MAPKAP1: variants seen among roughly 807,000 people sequenced by gnomAD.
MAPKAP1 encodes MAPK associated protein 1, also known as target of rapamycin complex 2 subunit MAPKAP1.
Under a neutral mutation model 65.7 loss-of-function variants are expected in MAPKAP1, and 20 were observed. The observed-to-expected ratio is 0.30, with a 90% CI of 0.21 to 0.44. MAPKAP1 has a LOEUF of 0.44. Among genes scored for constraint, MAPKAP1 ranks in the 20% least tolerant of loss-of-function variants. The probability of loss-of-function intolerance (pLI) is 1.00; values close to 1 mark genes in which losing one functional copy is unlikely to be tolerated. For missense variants in MAPKAP1, 423 were observed against 648.0 expected (o/e 0.65, Z 3.77); for synonymous variants, 222 against 244.3 (o/e 0.91, Z 0.85).
At chr9:125,559,478 T>C in intron 6 of MAPKAP1, 155 bp downstream of exon 6, 1 of 637,188 alleles carries the variant, frequency 1.6e-6, no homozygotes, top group Non-Finnish European at 2.7e-6. Flanking sequence ...ACAATGCGAA[T>C]GTCGTCCTCA....
Position 125,657,342 on chromosome 9 carries a change from C to CAT in MAPKAP1, c.498+307_498+308dup, listed in dbSNP as rs200344781. 3.1e-3 allele frequency among the ~76,000 whole-genome samples: 476 copies of CAT among 151,776 alleles called. 10 individuals carry two copies. The highest frequency in any genetic ancestry group is 7.4e-4 in the Non-Finnish European group (50 of 67,948). ...ATGTATATACATATATATACACACACATATATATATGTGTGTTGGGGAGGA... is the reference window on the plus strand; with the variant it reads ...ATGTATATACATATATATACACACACATATATATATATGTGTGTTGGGGAGGA... On this transcript the variant is annotated intron_variant, in intron 4 of 11. Coordinates refer to ENST00000265960, the MANE Select transcript of MAPKAP1 (RefSeq NM_001006617.3).
At chr9:125,468,492 C>T (rs1853770887) in intron 9 of MAPKAP1, among the ~76,000 whole-genome samples, 1 of 152,186 alleles carries the variant, frequency 6.6e-6, no homozygotes, top group Non-Finnish European at 1.5e-5. Flanking sequence ...TTGATTGGTG[C>T]TCTGAGTTGT....
In MAPKAP1 at chr9:125,554,794, CAAAAAAAAA is replaced by C. The variant is rs56911891; in HGVS notation, c.848+4830_848+4838del. ...CTAGGCCACACAGCAAGACACTTATCAAAAAAAAAAAAAAAAAAAAAAAGCATTTTCTAG... is the reference window on the plus strand; with the variant it reads ...CTAGGCCACACAGCAAGACACTTATCAAAAAAAAAAAAAAGCATTTTCTAG... On this transcript the variant is annotated intron_variant, in intron 6 of 11. Transcript: ENST00000265960. Among the ~76,000 whole-genome samples the C allele has an allele frequency of 9.1e-5, 6 of 65,630 alleles. No homozygotes were observed. The East Asian group carries it at 1.7e-3, about 18-fold the overall frequency. 43.1% of individuals were successfully genotyped at this position (65,630 alleles called of 152,430 possible).
chr9:125,468,159 T>A (rs759900979), intron 9 of MAPKAP1, 50 bp from the exon 10 acceptor site: 5 of 1,583,798 alleles, frequency 3.2e-6, no homozygotes, highest in Non-Finnish European at 3.4e-6. Flanking sequence ...GTAGAAGGTG[T>A]AAGTGATTTC....
At chr9:125,556,512 T>G (rs1173704661) in intron 6 of MAPKAP1, among the ~76,000 whole-genome samples, 1 of 152,228 alleles carries the variant, frequency 6.6e-6, no homozygotes, top group Non-Finnish European at 1.5e-5. Flanking sequence ...AAAACTGGGC[T>G]ATTTTGGGAT....
intron 4 of MAPKAP1, among the ~76,000 whole-genome samples, chr9:125,588,373 T>C (rs1208507144): frequency 6.6e-6 from 1 of 151,982 alleles, no homozygotes; most frequent in Non-Finnish European, 1.5e-5. Context: ...AGACAGAAAG[T>C]AGATTAGCGG....
At chr9:125,647,122 T>C (rs913418400) in intron 4 of MAPKAP1, among the ~76,000 whole-genome samples, 1 of 152,228 alleles carries the variant, frequency 6.6e-6, no homozygotes, top group Non-Finnish European at 1.5e-5. Context: ...TAAATGCACA[T>C]ATAACAAATC....
intron 4 of MAPKAP1, among the ~76,000 whole-genome samples, chr9:125,628,459 T>C (rs139122319): frequency 6.6e-6 from 1 of 152,268 alleles, no homozygotes; most frequent in East Asian, 1.9e-4. Flanking sequence ...GACAAGAAAA[T>C]GTCTCTTCAG....
intron 10 of MAPKAP1, among the ~76,000 whole-genome samples, chr9:125,458,566 A>T (rs1246041911): frequency 6.6e-6 from 1 of 151,990 alleles, no homozygotes; most frequent in Middle Eastern, 3.2e-3. Context: ...CCCAAGGCAG[A>T]AGAATCTTTC....
chr9:125,487,615 T>TAAC (rs1554809816), intron 8 of MAPKAP1, among the ~76,000 whole-genome samples: 4 of 126,832 alleles, frequency 3.2e-5, no homozygotes, highest in Non-Finnish European at 6.7e-5. Context: ...TGCCAATTAC[T>TAAC]AAAAAAAAAA....
chr9:125,687,726 A>C (rs1466771894), intron 1 of MAPKAP1, among the ~76,000 whole-genome samples: 1 of 152,174 alleles, frequency 6.6e-6, no homozygotes, highest in Non-Finnish European at 1.5e-5. Context: ...TCAAGGTTAC[A>C]GTGAGCATGA....
intron 5 of MAPKAP1, among the ~76,000 whole-genome samples, chr9:125,577,247 C>T (rs1381223168): frequency 5.3e-5 from 8 of 151,604 alleles, no homozygotes; most frequent in Non-Finnish European, 8.8e-5. Flanking sequence ...GCCTGGCAAC[C>T]GCCCCGTCTG....
intron 10 of MAPKAP1, among the ~76,000 whole-genome samples, chr9:125,455,664 ATC>A: frequency 6.6e-6 from 1 of 152,046 alleles, no homozygotes; most frequent in Admixed American, 6.5e-5. Context: ...AGTGTTCTGT[ATC>A]ATCACATCAA....
chr9:125,704,296 C>A (rs1048981180), intron 1 of MAPKAP1, among the ~76,000 whole-genome samples: 1 of 152,180 alleles, frequency 6.6e-6, no homozygotes, highest in Non-Finnish European at 1.5e-5. Context: ...TCTGTAAAAT[C>A]AGGATGCTAA....
intron 1 of MAPKAP1, among the ~76,000 whole-genome samples, chr9:125,673,210 T>C (rs575617254): frequency 1.3e-5 from 2 of 152,250 alleles, no homozygotes; most frequent in South Asian, 2.1e-4. Context: ...CAAGATAGTA[T>C]TGTGTTTTTG....
intron 4 of MAPKAP1, among the ~76,000 whole-genome samples, chr9:125,618,783 T>G (rs1355912134): frequency 6.6e-6 from 1 of 152,196 alleles, no homozygotes; most frequent in African/African-American, 2.4e-5. Flanking sequence ...AAGGGTCACT[T>G]AGAAGAATTC....
chr9:125,521,782 G>A, intron 7 of MAPKAP1: 1 of 1,611,164 alleles, frequency 6.2e-7, no homozygotes, highest in African/African-American at 1.3e-5. Context: ...ACAAAAAACA[G>A]AAGAAACAAA....
chr9:125,478,825 C>T (rs1260818696), intron 9 of MAPKAP1, among the ~76,000 whole-genome samples: 1 of 152,332 alleles, frequency 6.6e-6, no homozygotes, highest in East Asian at 1.9e-4. Context: ...TTCTTCCAAA[C>T]TCCTCCAAGC....
At chr9:125,550,808 T>C (rs989895162) in intron 6 of MAPKAP1, among the ~76,000 whole-genome samples, 11 of 152,344 alleles carry the variant, frequency 7.2e-5, no homozygotes, top group South Asian at 6.2e-4. Flanking sequence ...TGTTTGCTAA[T>C]ACAACAGAAT....
Sources: allele counts gnomAD v4.1 joint callset (sites outside exome capture counted in the v4.1 genomes callset), GRCh38; gene constraint gnomAD v4.1.1; transcripts MANE v1.5; gene names NCBI Gene and HGNC (gene_info 2026-07-23, HGNC 2026-07-21).